The following SGMS2 variants were observed in gnomAD, a reference collection of about 807,000 sequenced individuals.
SGMS2 encodes sphingomyelin synthase 2, also known as phosphatidylcholine:ceramide cholinephosphotransferase 2.
Under a neutral mutation model 43.8 loss-of-function variants are expected in SGMS2, and 21 were observed. That is an observed-to-expected ratio of 0.48 (90% CI 0.34 to 0.69). SGMS2 has a LOEUF of 0.69. Ranked by LOEUF, SGMS2 falls within the 30% of genes least tolerant of loss-of-function variation. SGMS2 has a pLI of 0.01. For synonymous variants in SGMS2, 167 were observed against 160.6 expected, an observed-to-expected ratio of 1.04 and a Z score of -0.30; for missense variants, 384 against 443.2, an observed-to-expected ratio of 0.87 and a Z score of 1.20.
At chr4:107,881,440 C>T (rs950968932) in intron 2 of SGMS2, among the ~76,000 whole-genome samples, 1 of 151,954 alleles carries the variant, frequency 6.6e-6, no homozygotes, top group Non-Finnish European at 1.5e-5. Flanking sequence ...GGGCAACGTA[C>T]ATCATCTCAA....
intron 1 of SGMS2, among the ~76,000 whole-genome samples, chr4:107,858,005 G>GCC (rs1358800303): frequency 2.0e-5 from 3 of 146,514 alleles, no homozygotes; most frequent in East Asian, 2.0e-4. Context: ...TTTTGTAGCT[G>GCC]CCCCACCCCC....
chr4:107,854,901 A>T (rs1359942264), intron 1 of SGMS2, among the ~76,000 whole-genome samples: 2 of 152,124 alleles, frequency 1.3e-5, no homozygotes, highest in Non-Finnish European at 2.9e-5. Context: ...ATTAAAGTTA[A>T]GTGTCAAATG....
chr4:107,907,329 G>T (rs1254445824), intron 5 of SGMS2: 2 of 152,202 alleles, frequency 1.3e-5, no homozygotes, highest in Non-Finnish European at 2.9e-5. Flanking sequence ...TTCTGGAAAT[G>T]GGCTGGGCGC....
intron 1 of SGMS2, among the ~76,000 whole-genome samples, chr4:107,845,659 G>A (rs1362114483): frequency 6.6e-6 from 1 of 152,214 alleles, no homozygotes; most frequent in African/African-American, 2.4e-5. Context: ...TGGGCTACAA[G>A]TATGTTCTTA....
chr4:107,906,200 T>A (rs1054321011), intron 5 of SGMS2, among the ~76,000 whole-genome samples: 6 of 152,150 alleles, frequency 3.9e-5, no homozygotes, highest in African/African-American at 1.2e-4. Flanking sequence ...ATATATATAT[T>A]TTTTTACTTT....
At chr4:107,863,751 G>A (rs1727912848) in intron 2 of SGMS2, 1 of 152,014 alleles carries the variant, frequency 6.6e-6, no homozygotes, top group South Asian at 2.1e-4. Flanking sequence ...TTTTATATAA[G>A]ATATAATAAA....
At chr4:107,896,110 G>C (rs536549767) in intron 3 of SGMS2, 102 bp downstream of exon 3, 2 of 1,048,340 alleles carry the variant, frequency 1.9e-6, no homozygotes, top group African/African-American at 3.2e-5. Context: ...AATAAATTCA[G>C]TCTTACCCAA....
chr4:107,912,178 T>C lies in SGMS2; in HGVS notation c.*1625T>C, dbSNP rs1177580703. On this transcript the variant is annotated 3_prime_UTR_variant, in exon 7 of 7. Transcript: ENST00000690982. ...CAGAAGGGTCAACATCCTTTGGTGC[T>C]AAAATCTTGTGTATGTTTTCAGAAT... 3.3e-5 allele frequency: 5 copies of C among 152,192 alleles called. No homozygotes were observed. The South Asian group carries it at 6.2e-4, about 19-fold the overall frequency. 9.4% of individuals were successfully genotyped at this position (152,192 alleles called of 1,614,324 possible).
intron 2 of SGMS2, among the ~76,000 whole-genome samples, chr4:107,890,671 C>T (rs530108771): frequency 1.4e-5 from 2 of 138,484 alleles, no homozygotes; most frequent in African/African-American, 5.7e-5. Flanking sequence ...CAATACTCCA[C>T]CTCAAAAAAA....
At chr4:107,908,763 T>C (rs1480890518) in intron 6 of SGMS2, 32 bp downstream of exon 6, 1 of 1,594,610 alleles carries the variant, frequency 6.3e-7, no homozygotes, top group South Asian at 1.1e-5. Context: ...GGATAATTTC[T>C]TTTCTTTGAA....
chr4:107,885,905 TTAAAA>T (rs1353830019), intron 2 of SGMS2, among the ~76,000 whole-genome samples: 1 of 152,132 alleles, frequency 6.6e-6, no homozygotes, highest in African/African-American at 2.4e-5. Context: ...ATTTTAATAA[TTAAAA>T]TAAATGTTCA....
intron 1 of SGMS2, among the ~76,000 whole-genome samples, chr4:107,826,907 G>A (rs959840690): frequency 1.3e-5 from 2 of 152,212 alleles, no homozygotes; most frequent in Non-Finnish European, 2.9e-5. Flanking sequence ...AAAGATCTGG[G>A]AGCTGTCCTA....
Position 107,914,381 on chromosome 4 carries a change from A to C in SGMS2, c.*3828A>C, listed in dbSNP as rs1560684531. 1 of 152,176 alleles carries C rather than the reference A, an allele frequency of 6.6e-6. No homozygotes were observed. Among genetic ancestry groups the C allele is most frequent in the Non-Finnish European group, 1.5e-5 (1 of 67,990 alleles). The allele number at this position is 152,176 out of a possible 1,614,324, so 9.4% of individuals were successfully genotyped here. ...GAAAAAGAGGAAACGATGAACAAAAACTAATCTAATTGCCAAGTTAGAATT... is the reference window on the plus strand; with the variant it reads ...GAAAAAGAGGAAACGATGAACAAAACCTAATCTAATTGCCAAGTTAGAATT... On this transcript the variant is annotated 3_prime_UTR_variant, in exon 7 of 7. Coordinates refer to ENST00000690982, the MANE Select transcript of SGMS2 (RefSeq NM_001375905.1).
intron 2 of SGMS2, among the ~76,000 whole-genome samples, chr4:107,881,261 G>GA (rs903435013): frequency 7.4e-5 from 11 of 148,106 alleles, no homozygotes; most frequent in Non-Finnish European, 9.0e-5. Flanking sequence ...TTTAAGAAAT[G>GA]AAAAAAAAAA....
At chr4:107,897,209 T>C (rs963933754) in intron 3 of SGMS2, among the ~76,000 whole-genome samples, 8 of 152,232 alleles carry the variant, frequency 5.3e-5, no homozygotes, top group Non-Finnish European at 8.8e-5. Context: ...AACTTTGCAG[T>C]CTTAAAACCT....
At chr4:107,871,705 T>A (rs1193638369) in intron 2 of SGMS2, among the ~76,000 whole-genome samples, 1 of 152,150 alleles carries the variant, frequency 6.6e-6, no homozygotes, top group Non-Finnish European at 1.5e-5. Context: ...CTGTTTTTCA[T>A]TCAACCCAGG....
intron 1 of SGMS2, among the ~76,000 whole-genome samples, chr4:107,851,790 A>T (rs1209484257): frequency 6.6e-6 from 1 of 152,040 alleles, no homozygotes; most frequent in Non-Finnish European, 1.5e-5. Context: ...CAAAGACAGG[A>T]TTTTATTTGA....
Position 107,895,517 on chromosome 4 carries a change from T to G in SGMS2, c.-37T>G. ...CTAAATTTCCACAAAGAACAAGAAC[T>G]TGACCATCTCCTTTTTGATCTGAAG... On this transcript the variant is annotated 5_prime_UTR_variant, in exon 3 of 7. Transcript: ENST00000690982. 5 of 1,568,726 alleles carry G rather than the reference T, an allele frequency of 3.2e-6. No homozygotes were observed. The highest frequency in any genetic ancestry group is 1.4e-5 in the African/African-American group (1 of 72,994).
At chr4:107,863,772 C>G (rs987219876) in intron 2 of SGMS2, 2 of 152,052 alleles carry the variant, frequency 1.3e-5, no homozygotes, top group African/African-American at 4.8e-5. Flanking sequence ...AATGCAGTCA[C>G]AAAAAGTAAA....
Sources: gnomAD v4.1 joint callset for allele counts (sites outside exome capture counted in the v4.1 genomes callset) on GRCh38, gnomAD v4.1.1 for gene constraint, MANE v1.5 for transcripts, NCBI Gene and HGNC (gene_info 2026-07-23, HGNC 2026-07-21) for gene names.